Variants in ASXL1 observed in about 807,000 individuals in gnomAD.
The protein encoded by ASXL1 is polycomb group protein ASXL1.
Under a neutral mutation model 89.1 loss-of-function variants are expected in ASXL1, and 65 were observed. The observed-to-expected ratio is 0.73, with a 90% CI of 0.60 to 0.90. The LOEUF (loss-of-function observed/expected upper bound fraction) is 0.90. Among genes scored for constraint, ASXL1 ranks in the 40% least tolerant of loss-of-function variants. The pLI, the probability that ASXL1 is intolerant of heterozygous loss-of-function variation, is 0.00. For synonymous variants in ASXL1, 739 were observed against 746.9 expected, an observed-to-expected ratio of 0.99 and a Z score of 0.17; for missense variants, 1,786 against 1,942.9, an observed-to-expected ratio of 0.92 and a Z score of 1.52.
At chr20:32,374,415 C>T (rs1055044526) in intron 4 of ASXL1, among the ~76,000 whole-genome samples, 10 of 152,100 alleles carry the variant, frequency 6.6e-5, no homozygotes, top group Non-Finnish European at 1.3e-4. Context: ...TGTCAGCCTC[C>T]CCAGTAGCTG....
At chr20:32,378,946 G>A (rs1385829604) in intron 4 of ASXL1, among the ~76,000 whole-genome samples, 1 of 151,630 alleles carries the variant, frequency 6.6e-6, no homozygotes, top group African/African-American at 2.4e-5. Context: ...TGGCTAACAC[G>A]GCGAAGCCCT....
At chr20:32,366,556 A>G (rs1474958110) in intron 2 of ASXL1, 90 bp downstream of exon 2, 16 of 1,603,610 alleles carry the variant, frequency 1.0e-5, no homozygotes, top group South Asian at 3.3e-5. Flanking sequence ...ACACCTGTGT[A>G]TGTATTTGTG....
Position 32,431,414 on chromosome 20 carries a change from G to C in ASXL1, c.812G>C (p.Arg271Pro), listed in dbSNP as rs576447224. 17 of 1,614,114 alleles carry C rather than the reference G, an allele frequency of 1.1e-5. No homozygotes were observed. The Admixed American group carries it at 1.5e-4, about 14-fold the overall frequency. Residue 271 changes from arginine to proline, a missense_variant, in exon 9 of 13, where the codon CGG (arginine) becomes CCG (proline). Transcript: ENST00000375687. Reference sequence around the variant, plus strand: ...AACCTCCGTGCCCTGATCAACTCTCGGACCTTCCATGCCTTACCATCACAC... The same window carrying C: ...AACCTCCGTGCCCTGATCAACTCTCCGACCTTCCATGCCTTACCATCACAC... ...NTNLRALINS[R>P]TFHALPSHFQ...
At chr20:32,388,996 C>T (rs1443397091) in intron 4 of ASXL1, among the ~76,000 whole-genome samples, 1 of 151,654 alleles carries the variant, frequency 6.6e-6, no homozygotes, top group African/African-American at 2.4e-5. Context: ...ACATCTTTTA[C>T]ACTCTATTTT....
At chr20:32,392,319 G>A (rs1490115143) in intron 4 of ASXL1, among the ~76,000 whole-genome samples, 5 of 145,830 alleles carry the variant, frequency 3.4e-5, no homozygotes, top group Admixed American at 2.8e-4. Context: ...ATTTGCTCTT[G>A]TTGCCCACTC....
At chr20:32,361,180 A>G (rs1347964857) in intron 1 of ASXL1, among the ~76,000 whole-genome samples, 1 of 152,212 alleles carries the variant, frequency 6.6e-6, no homozygotes, top group Non-Finnish European at 1.5e-5. Context: ...CCCGGTCTCT[A>G]CAACAACAGC....
chr20:32,408,703 C>T (rs2048996465), intron 4 of ASXL1, among the ~76,000 whole-genome samples: 1 of 152,144 alleles, frequency 6.6e-6, no homozygotes, highest in South Asian at 2.1e-4. Context: ...TGTGTGTGAG[C>T]CACCATGCCC....
chr20:32,369,440 C>T (rs896193534), intron 4 of ASXL1, among the ~76,000 whole-genome samples: 2 of 151,832 alleles, frequency 1.3e-5, no homozygotes, highest in Non-Finnish European at 2.9e-5. Flanking sequence ...TTAATAGAGA[C>T]GGGGTTTCAC....
rs2123237065 is a variant in ASXL1, at chr20:32,431,589, A to G, written c.889A>G (p.Thr297Ala). ...TCCCCCTTGATCCTTCTAGGTGGGGACGGATGGCCTGTTGCGTCTCAGCAG... is the reference window on the plus strand; with the variant it reads ...TCCCCCTTGATCCTTCTAGGTGGGGGCGGATGGCCTGTTGCGTCTCAGCAG... ...LLPEVDRQVGTDGLLRLSSSA... is the reference protein window; with the variant it reads ...LLPEVDRQVGADGLLRLSSSA... The change falls in exon 10 of 13, where the codon ACG (threonine) becomes GCG (alanine). Residue 297 changes from threonine (T) to alanine (A), a missense_variant. Coordinates refer to ENST00000375687, the MANE Select transcript of ASXL1 (RefSeq NM_015338.6). 6.2e-7 allele frequency: 1 copy of G among 1,613,950 alleles called. No individual in the cohort carries two copies. The highest frequency in any genetic ancestry group is 2.2e-5 in the East Asian group (1 of 44,878).
chr20:32,423,325 G>A (rs2011188957), intron 4 of ASXL1, among the ~76,000 whole-genome samples: 1 of 151,920 alleles, frequency 6.6e-6, no homozygotes, highest in African/African-American at 2.4e-5. Context: ...CACCTCCCAG[G>A]TTCAAGCGAT....
intron 4 of ASXL1, among the ~76,000 whole-genome samples, chr20:32,373,211 T>C (rs1274352363): frequency 6.6e-6 from 1 of 151,276 alleles, no homozygotes; most frequent in Non-Finnish European, 1.5e-5. Context: ...ACCCCGTCTC[T>C]ACGAAAAATA....
At chr20:32,413,420 A>C (rs371643940) in intron 4 of ASXL1, among the ~76,000 whole-genome samples, 1 of 152,200 alleles carries the variant, frequency 6.6e-6, no homozygotes, top group Non-Finnish European at 1.5e-5. Flanking sequence ...ACATAATTCA[A>C]TATGTAGATA....
chr20:32,409,119 G>A (rs1476632662), intron 4 of ASXL1, among the ~76,000 whole-genome samples: 3 of 151,986 alleles, frequency 2.0e-5, no homozygotes, highest in Admixed American at 1.3e-4. Context: ...GATTACAGGC[G>A]GGCACCACCA....
intron 4 of ASXL1, among the ~76,000 whole-genome samples, chr20:32,425,375 C>T (rs1449201299): frequency 1.3e-5 from 2 of 152,124 alleles, no homozygotes; most frequent in Non-Finnish European, 1.5e-5. Flanking sequence ...CTAGGAGGGA[C>T]GTTGCTGGGT....
intron 5 of ASXL1, 27 bp from the exon 6 acceptor site, chr20:32,428,298 A>C: frequency 6.2e-7 from 1 of 1,614,148 alleles, no homozygotes; most frequent in Non-Finnish European, 8.5e-7. Flanking sequence ...GGCACTAGGG[A>C]CTAACCTTTA....
At chr20:32,420,269 A>AG (rs896109473) in intron 4 of ASXL1, among the ~76,000 whole-genome samples, 28 of 152,082 alleles carry the variant, frequency 1.8e-4, no homozygotes, top group African/African-American at 6.7e-4. Context: ...TTCTCCTAAG[A>AG]GATAGTACTT....
chr20:32,416,770 G>T (rs1002549842), intron 4 of ASXL1, among the ~76,000 whole-genome samples: 2 of 152,036 alleles, frequency 1.3e-5, no homozygotes. Flanking sequence ...TTCTGTGGGG[G>T]TTAGTGAAAA....
intron 4 of ASXL1, among the ~76,000 whole-genome samples, chr20:32,401,814 C>G (rs1001662866): frequency 1.3e-5 from 2 of 152,104 alleles, no homozygotes; most frequent in African/African-American, 4.8e-5. Context: ...CCTTAGCCTC[C>G]CAAAGTGCTG....
chr20:32,434,688 G>T lies in ASXL1; in HGVS notation c.1976G>T (p.Gly659Val), dbSNP rs2011683620. 6.2e-7 allele frequency: 1 copy of T among 1,605,156 alleles called. No individual in the cohort carries two copies. The highest frequency in any genetic ancestry group is 8.5e-7 in the Non-Finnish European group (1 of 1,176,104). The change falls in exon 13 of 13, where the codon GGT (glycine) becomes GTT (valine). Residue 659 changes from glycine (G) to valine (V), a missense_variant. Coordinates refer to ENST00000375687, the MANE Select transcript of ASXL1 (RefSeq NM_015338.6). Reference protein sequence around the residue: ...GGGGGATDEGGGRGSSSGDGG... With the variant: ...GGGGGATDEGVGRGSSSGDGG... ...GGCGGCGGGGCCACCGATGAGGGAG[G>T]TGGCAGAGGCAGCAGCAGTGGTGAT... is the stretch of plus-strand genomic sequence containing the variant.
Sources: allele counts gnomAD v4.1 joint callset (sites outside exome capture counted in the v4.1 genomes callset), GRCh38; gene constraint gnomAD v4.1.1; transcripts MANE v1.5; gene names NCBI Gene and HGNC (gene_info 2026-07-23, HGNC 2026-07-21).